The following PCDHA6 variants were observed in gnomAD, a reference collection of about 807,000 sequenced individuals.
PCDHA6 encodes the protein protocadherin alpha-6.
A neutral mutation model predicts 60.3 loss-of-function variants in PCDHA6; 55 were observed. That is an observed-to-expected ratio of 0.91 (90% CI 0.73 to 1.14). The LOEUF (loss-of-function observed/expected upper bound fraction) is 1.14, where lower values mean the gene tolerates loss of function less well. Among genes scored for constraint, PCDHA6 ranks in the 50% most tolerant of loss-of-function variants. The probability of loss-of-function intolerance (pLI) is 0.00; values close to 1 mark genes in which losing one functional copy is unlikely to be tolerated. For missense variants in PCDHA6, 1,327 were observed against 1,256.5 expected, an observed-to-expected ratio of 1.06 and a Z score of -0.85; for synonymous variants, 652 against 557.9, an observed-to-expected ratio of 1.17 and a Z score of -2.38.
At chr5:140,843,631 G>T (rs2150363915) in intron 1 of PCDHA6, 1 of 1,595,994 alleles carries the variant, frequency 6.3e-7, no homozygotes, top group East Asian at 2.2e-5. Flanking sequence ...CGGACCTCAT[G>T]GCCTTCAGCC....
At chr5:140,864,250 T>G (rs2048388075) in intron 1 of PCDHA6, 1 of 152,242 alleles carries the variant, frequency 6.6e-6, no homozygotes, top group Non-Finnish European at 1.5e-5. Flanking sequence ...ATTCATTTTC[T>G]TATTCTGATT....
At position 140,830,362 on chromosome 5, in the gene PCDHA6, G is replaced by T. The variant is rs1771019100; in HGVS notation, c.2271G>T (p.Arg757Ser). ...SWSYSQQRRQ[R>S]VCSGEGPPKM... ...CGTACTCGCAGCAGAGGCGGCAGAG[G>T]GTGTGCTCCGGGGAGGGCCCACCCA... is the stretch of plus-strand genomic sequence containing the variant. Residue 757 changes from arginine to serine, a missense_variant, in exon 1 of 4, where the codon AGG (arginine) becomes AGT (serine). Arg to Ser is a moderately radical substitution (Grantham distance 110). Coordinates refer to ENST00000529310, the MANE Select transcript of PCDHA6 (RefSeq NM_018909.4). The T allele has an allele frequency of 6.2e-7, 1 of 1,614,120 alleles. No individual in the cohort carries two copies. Among genetic ancestry groups the T allele is most frequent in the Non-Finnish European group, 8.5e-7 (1 of 1,179,994 alleles).
At chr5:140,887,473 G>T (rs574265811) in intron 1 of PCDHA6, among the ~76,000 whole-genome samples, 10 of 152,222 alleles carry the variant, frequency 6.6e-5, no homozygotes, top group African/African-American at 2.4e-4. Flanking sequence ...TAATTCAGTT[G>T]TCTTCTGGCT....
intron 1 of PCDHA6, among the ~76,000 whole-genome samples, chr5:140,916,773 A>G (rs1584011849): frequency 6.6e-6 from 1 of 151,502 alleles, no homozygotes; most frequent in South Asian, 2.1e-4. Context: ...TGGCACAAGC[A>G]CTCCCTTAGC....
chr5:140,878,658 G>T (rs139171755), intron 1 of PCDHA6, among the ~76,000 whole-genome samples: 120 of 152,200 alleles, frequency 7.9e-4, no homozygotes, highest in African/African-American at 2.7e-3. Flanking sequence ...ATATCCAGAG[G>T]CTTCTCTTTA....
Position 140,853,252 on chromosome 5 carries a change from C to T in PCDHA6, c.2394+22767C>T. 3 of 974,906 alleles carry T rather than the reference C, an allele frequency of 3.1e-6. 1 individual carries two copies. 60.4% of individuals were successfully genotyped at this position (974,906 alleles called of 1,614,324 possible). On this transcript the variant is annotated intron_variant, in intron 1 of 3. Transcript: ENST00000529310. ...TTAGTCCTTCATATTAATCTCTATT[C>T]TCTCTCAGAGTACAAGCTCTCATCA...
chr5:140,933,937 T>A (rs1369497002), intron 1 of PCDHA6, among the ~76,000 whole-genome samples: 1 of 152,082 alleles, frequency 6.6e-6, no homozygotes. Context: ...GTGACTTTTT[T>A]TCACATCTGC....
At chr5:141,007,395 C>CAAAAAAAAAAAAAAAAA (rs35800918) in intron 3 of PCDHA6, among the ~76,000 whole-genome samples, 5 of 94,868 alleles carry the variant, frequency 5.3e-5, no homozygotes, top group Non-Finnish European at 8.3e-5. Context: ...TACTAAAATA[C>CAAAAAAAAAAAAAAAAA]AAAAAAAAAA....
At chr5:140,901,482 G>A (rs1348405650) in intron 1 of PCDHA6, among the ~76,000 whole-genome samples, 8 of 152,010 alleles carry the variant, frequency 5.3e-5, no homozygotes, top group African/African-American at 1.9e-4. Context: ...TATGTTCTTG[G>A]CACCTTCATC....
chr5:140,979,585 G>T (rs1486792990), intron 2 of PCDHA6, among the ~76,000 whole-genome samples: 1 of 152,156 alleles, frequency 6.6e-6, no homozygotes, highest in Non-Finnish European at 1.5e-5. Context: ...TCCAAATCTA[G>T]CTTACTTTAA....
chr5:140,887,196 A>T (rs180902279), intron 1 of PCDHA6, among the ~76,000 whole-genome samples: 49 of 151,316 alleles, frequency 3.2e-4, no homozygotes, highest in African/African-American at 1.1e-3. Context: ...TCCCGGGTTC[A>T]CGCCATTCTC....
intron 1 of PCDHA6, among the ~76,000 whole-genome samples, chr5:140,957,828 G>A (rs554121251): frequency 6.0e-5 from 9 of 150,668 alleles, no homozygotes; most frequent in Non-Finnish European, 1.2e-4. Context: ...AAGAGAAAGT[G>A]TTAATTGATT....
chr5:140,877,094 G>C, intron 1 of PCDHA6: 1 of 1,613,310 alleles, frequency 6.2e-7, no homozygotes, highest in Non-Finnish European at 8.5e-7. Flanking sequence ...CGCGACGCCG[G>C]CGTGCCGCCT....
chr5:140,871,326 C>T (rs2052980774), intron 1 of PCDHA6: 1 of 1,613,978 alleles, frequency 6.2e-7, no homozygotes, highest in African/African-American at 1.3e-5. Context: ...TGGTGTGCTC[C>T]CGCGCGGTGG....
chr5:140,858,998 T>G, intron 1 of PCDHA6: 1 of 151,598 alleles, frequency 6.6e-6, no homozygotes, highest in East Asian at 1.9e-4. Context: ...TTGGTAAAAA[T>G]TTCTTAATCT....
intron 1 of PCDHA6, among the ~76,000 whole-genome samples, chr5:140,959,659 A>G (rs1020730964): frequency 6.6e-6 from 1 of 152,250 alleles, no homozygotes; most frequent in Non-Finnish European, 1.5e-5. Context: ...AAATTGAAGA[A>G]TTTGTAAATC....
intron 1 of PCDHA6, chr5:140,967,740 A>T (rs2096177949): frequency 6.2e-6 from 10 of 1,614,052 alleles, no homozygotes; most frequent in Non-Finnish European, 8.5e-6. Flanking sequence ...GGGCTGGATT[A>T]TGAGGAAGCC....
intron 1 of PCDHA6, among the ~76,000 whole-genome samples, chr5:140,891,797 C>A (rs2063254101): frequency 6.6e-6 from 1 of 152,136 alleles, no homozygotes; most frequent in Non-Finnish European, 1.5e-5. Context: ...TATGAGGGAT[C>A]TGCCCTCATG....
At chr5:140,927,940 C>T (rs1247043975) in intron 1 of PCDHA6, 1 of 1,614,108 alleles carries the variant, frequency 6.2e-7, no homozygotes, top group African/African-American at 1.3e-5. Flanking sequence ...GAACCCAGTA[C>T]CTGAGGACGC....
Sources: gnomAD v4.1 joint callset for allele counts (sites outside exome capture counted in the v4.1 genomes callset) on GRCh38, gnomAD v4.1.1 for gene constraint, MANE v1.5 for transcripts, NCBI Gene and HGNC (gene_info 2026-07-23, HGNC 2026-07-21) for gene names.